SNX16: variants seen among roughly 807,000 people sequenced by gnomAD.
SNX16 encodes the protein sorting nexin-16.
In SNX16, 35 loss-of-function variants were observed where a neutral mutation model predicts 36.7. The ratio of observed to expected loss-of-function variants is 0.95; its 90% confidence interval spans 0.73 to 1.27. The LOEUF is 1.27. Ranked by LOEUF, SNX16 falls within the 50% of genes most tolerant of loss-of-function variation. The pLI, the probability that SNX16 is intolerant of heterozygous loss-of-function variation, is 0.00. For missense variants in SNX16, 367 were observed against 393.6 expected, an observed-to-expected ratio of 0.93 and a Z score of 0.57; for synonymous variants, 134 against 132.0, an observed-to-expected ratio of 1.02 and a Z score of -0.10.
At chr8:81,815,943 AAT>A (rs1465424841) in intron 4 of SNX16, among the ~76,000 whole-genome samples, 6 of 152,154 alleles carry the variant, frequency 3.9e-5, no homozygotes, top group Non-Finnish European at 5.9e-5. Context: ...CAAATTTTAA[AAT>A]AGTTATTAAA....
chr8:81,835,343 C>A (rs1191636837), intron 2 of SNX16, among the ~76,000 whole-genome samples: 1 of 152,172 alleles, frequency 6.6e-6, no homozygotes, highest in African/African-American at 2.4e-5. Context: ...CTCTCATATG[C>A]CCTGGAGACA....
At chr8:81,834,679 A>T (rs925243642) in intron 2 of SNX16, among the ~76,000 whole-genome samples, 2 of 152,198 alleles carry the variant, frequency 1.3e-5, no homozygotes, top group African/African-American at 4.8e-5. Flanking sequence ...CAAATCTTAA[A>T]GCTCCAAAAT....
rs1297268064 is a variant in SNX16, at chr8:81,808,603, T to C, written c.682-5375A>G. 3 of 954,156 alleles carry C rather than the reference T, an allele frequency of 3.1e-6. No individual in the cohort carries two copies. In the East Asian group the frequency reaches 7.2e-5, roughly 23 times the overall value. The allele number at this position is 954,156 out of a possible 1,614,324, so 59.1% of individuals were successfully genotyped here. A position where few individuals can be genotyped will look rare whatever the true frequency, so the allele number is the denominator to read the frequency against. ...TCTTCAAATTTTGGACCCATGAAGA[T>C]GGGAAACTTTGGAGGCAGAAGCTCT... On this transcript the variant is annotated intron_variant, in intron 5 of 7. Coordinates refer to ENST00000345957, the MANE Select transcript of SNX16 (RefSeq NM_152836.3).
intron 2 of SNX16, among the ~76,000 whole-genome samples, chr8:81,833,570 C>G (rs1811361786): frequency 6.6e-6 from 1 of 152,116 alleles, no homozygotes; most frequent in Non-Finnish European, 1.5e-5. Flanking sequence ...GACTTTAAAA[C>G]TTTTGAGTAT....
chr8:81,815,914 T>C (rs1027023254), intron 4 of SNX16, among the ~76,000 whole-genome samples: 2 of 152,170 alleles, frequency 1.3e-5, no homozygotes, highest in Non-Finnish European at 2.9e-5. Flanking sequence ...ATTCTAACCA[T>C]CCTATCTCTA....
chr8:81,823,308 T>C (rs1167525963), intron 4 of SNX16, among the ~76,000 whole-genome samples: 1 of 151,964 alleles, frequency 6.6e-6, no homozygotes, highest in Non-Finnish European at 1.5e-5. Context: ...AAAACCCACA[T>C]AGATCTGTTC....
Position 81,802,369 on chromosome 8 carries a change from A to T in SNX16, c.938+11T>A, listed in dbSNP as rs762683325. On this transcript the variant is annotated intron_variant, in intron 7 of 7. Transcript: ENST00000345957. ...CAAGAATTAAGCTATCATAAATGAAATATTATATACCTAGATTCTTCATCC... is the reference window on the plus strand; with the variant it reads ...CAAGAATTAAGCTATCATAAATGAATTATTATATACCTAGATTCTTCATCC... The T allele has an allele frequency of 1.3e-6, 2 of 1,584,344 alleles. No homozygotes were observed. The highest frequency in any genetic ancestry group is 4.6e-5 in the East Asian group (2 of 43,884).
chr8:81,811,692 A>T (rs1371059426), intron 5 of SNX16, among the ~76,000 whole-genome samples: 2 of 152,170 alleles, frequency 1.3e-5, no homozygotes, highest in African/African-American at 4.8e-5. Flanking sequence ...TAACCACTAT[A>T]GGAGACAGAG....
At chr8:81,816,734 A>T (rs1413761955) in intron 4 of SNX16, among the ~76,000 whole-genome samples, 1 of 152,206 alleles carries the variant, frequency 6.6e-6, no homozygotes, top group Non-Finnish European at 1.5e-5. Context: ...AATGATACCG[A>T]ATTTCAGAGA....
chr8:81,808,614 G>A, intron 5 of SNX16: 1 of 950,546 alleles, frequency 1.1e-6, no homozygotes, highest in Non-Finnish European at 1.7e-6. Flanking sequence ...GGGAAACTTT[G>A]GAGGCAGAAG....
chr8:81,823,766 ATC>A (rs1464689628), intron 4 of SNX16, 24 bp downstream of exon 4: 43 of 1,551,546 alleles, frequency 2.8e-5, no homozygotes, highest in Non-Finnish European at 3.6e-5. Flanking sequence ...TGCTTTTATA[ATC>A]TCTTATTTCA....
intron 3 of SNX16, among the ~76,000 whole-genome samples, chr8:81,827,022 T>A (rs898814164): frequency 6.6e-6 from 1 of 152,176 alleles, no homozygotes; most frequent in African/African-American, 2.4e-5. Flanking sequence ...AACTGTGTGT[T>A]TCTTAGTGTT....
At chr8:81,836,791 C>G (rs1811514077) in intron 2 of SNX16, among the ~76,000 whole-genome samples, 1 of 152,198 alleles carries the variant, frequency 6.6e-6, no homozygotes, top group Admixed American at 6.5e-5. Context: ...CCAGAATGAA[C>G]TTTTTAAAAC....
At chr8:81,836,235 C>T (rs1212401032) in intron 2 of SNX16, among the ~76,000 whole-genome samples, 1 of 152,170 alleles carries the variant, frequency 6.6e-6, no homozygotes, top group Non-Finnish European at 1.5e-5. Context: ...TATATATTAT[C>T]AGATCAAGAG....
At chr8:81,829,170 A>G (rs1329025631) in intron 3 of SNX16, among the ~76,000 whole-genome samples, 1 of 152,164 alleles carries the variant, frequency 6.6e-6, no homozygotes, top group Non-Finnish European at 1.5e-5. Flanking sequence ...ATAGACATAT[A>G]TAATTTTATA....
intron 4 of SNX16, among the ~76,000 whole-genome samples, chr8:81,822,586 T>C (rs1397125052): frequency 1.3e-5 from 2 of 151,880 alleles, no homozygotes; most frequent in African/African-American, 2.4e-5. Flanking sequence ...AGGGTAGTGA[T>C]GGCAGGGATG....
chr8:81,823,232 C>A (rs1586004018), intron 4 of SNX16, among the ~76,000 whole-genome samples: 1 of 151,196 alleles, frequency 6.6e-6, no homozygotes, highest in East Asian at 1.9e-4. Flanking sequence ...ACATAAGTTC[C>A]AAAATTAGAT....
chr8:81,824,423 C>A (rs918409134), intron 3 of SNX16, among the ~76,000 whole-genome samples: 1 of 151,982 alleles, frequency 6.6e-6, no homozygotes, highest in Non-Finnish European at 1.5e-5. Flanking sequence ...ATATTTTCTC[C>A]CAACTTGGCC....
chr8:81,830,630 G>A (rs1477869038), intron 2 of SNX16, among the ~76,000 whole-genome samples: 1 of 138,320 alleles, frequency 7.2e-6, no homozygotes, highest in African/African-American at 2.7e-5. Flanking sequence ...CAAAGAAACA[G>A]AAGAACATTC....
Sources: gnomAD v4.1 joint callset for allele counts (sites outside exome capture counted in the v4.1 genomes callset) on GRCh38, gnomAD v4.1.1 for gene constraint, MANE v1.5 for transcripts, NCBI Gene and HGNC (gene_info 2026-07-23, HGNC 2026-07-21) for gene names.